Variants in JAM2 observed in about 807,000 individuals in gnomAD.
JAM2 encodes the protein junctional adhesion molecule B.
Under a neutral mutation model 42.0 loss-of-function variants are expected in JAM2, and 17 were observed. The observed-to-expected ratio is 0.40, with a 90% confidence interval of 0.28 to 0.61. The LOEUF is 0.61. Ranked by LOEUF, JAM2 falls within the 20% of genes least tolerant of loss-of-function variation. The pLI, the probability that JAM2 is intolerant of heterozygous loss-of-function variation, is 0.37. For missense variants in JAM2, 319 were observed against 358.3 expected (o/e 0.89, Z 0.89); for synonymous variants, 118 against 128.6 (o/e 0.92, Z 0.56).
At chr21:25,705,555 C>T (rs1480873632) in intron 6 of JAM2, among the ~76,000 whole-genome samples, 3 of 152,014 alleles carry the variant, frequency 2.0e-5, no homozygotes, top group African/African-American at 4.8e-5. Flanking sequence ...TTTTCTTTGA[C>T]GTTGAGTTTT....
At chr21:25,669,409 A>C (rs967868169) in intron 1 of JAM2, among the ~76,000 whole-genome samples, 1 of 151,882 alleles carries the variant, frequency 6.6e-6, no homozygotes, top group Admixed American at 6.6e-5. Flanking sequence ...AAAAAAAAGA[A>C]GATGGGGGAA....
chr21:25,708,125 G>A (rs1601066240), intron 7 of JAM2, among the ~76,000 whole-genome samples: 1 of 152,196 alleles, frequency 6.6e-6, no homozygotes, highest in East Asian at 1.9e-4. Context: ...TAGGATTACA[G>A]GTGTGAGCCA....
At chr21:25,683,302 T>C (rs188626934) in intron 1 of JAM2, among the ~76,000 whole-genome samples, 18 of 152,308 alleles carry the variant, frequency 1.2e-4, no homozygotes, top group Non-Finnish European at 2.6e-4. Context: ...CTTCAGTCTA[T>C]AGACCGGCTC....
intron 2 of JAM2, among the ~76,000 whole-genome samples, chr21:25,687,025 A>G (rs2033766153): frequency 6.6e-6 from 1 of 152,236 alleles, no homozygotes; most frequent in South Asian, 2.1e-4. Flanking sequence ...CCTTAGGTTG[A>G]GAAAATATAA....
intron 1 of JAM2, 104 bp downstream of exon 1, chr21:25,639,992 C>G: frequency 2.6e-6 from 2 of 775,452 alleles, no homozygotes; most frequent in Non-Finnish European, 1.9e-6. Flanking sequence ...GGCTCTGGGC[C>G]GAGGTCGCCG....
At chr21:25,669,060 A>G (rs1446052447) in intron 1 of JAM2, among the ~76,000 whole-genome samples, 1 of 152,158 alleles carries the variant, frequency 6.6e-6, no homozygotes, top group East Asian at 1.9e-4. Flanking sequence ...CACTGTAATG[A>G]AATAGTCATT....
rs753403395 is a variant in JAM2 at position 25,712,333 on chromosome 21, C to T, written c.822-7C>T. ...AGTAAATATTGTCTTTTATATTCCA[C>T]AAACAGGAAGAGTAATTCTTCATCT... is the stretch of plus-strand genomic sequence containing the variant. On this transcript the variant is annotated splice_region_variant and splice_polypyrimidine_tract_variant and intron_variant, in intron 8 of 9. Coordinates refer to ENST00000480456, the MANE Select transcript of JAM2 (RefSeq NM_021219.4). 1 of 1,578,418 alleles carries T rather than the reference C, an allele frequency of 6.3e-7. No homozygotes were observed. The highest frequency in any genetic ancestry group is 1.7e-5 in the Admixed American group (1 of 59,584).
At chr21:25,710,624 C>T (rs977360253) in intron 8 of JAM2, among the ~76,000 whole-genome samples, 4 of 152,114 alleles carry the variant, frequency 2.6e-5, no homozygotes, top group African/African-American at 4.8e-5. Flanking sequence ...TGAGGCCAGG[C>T]AAGCCTAGAA....
In JAM2 at chr21:25,683,874, A is replaced by C. The variant is rs761393083; in HGVS notation, c.68-9A>C. The C allele has an allele frequency of 4.4e-6, 7 of 1,584,378 alleles. No individual in the cohort carries two copies. The highest frequency in any genetic ancestry group is 6.1e-6 in the Non-Finnish European group (7 of 1,155,130). On this transcript the variant is annotated splice_polypyrimidine_tract_variant and intron_variant, in intron 1 of 9. Coordinates refer to ENST00000480456, the MANE Select transcript of JAM2 (RefSeq NM_021219.4). ...AATTTTAATTATCCTATCTGTTTTA[A>C]TCTTTCAGATCATAAGGCCTATGGG... is the stretch of plus-strand genomic sequence containing the variant.
intron 1 of JAM2, chr21:25,643,841 A>G (rs2032521029): frequency 6.6e-6 from 1 of 152,226 alleles, no homozygotes; most frequent in Admixed American, 6.5e-5. Context: ...AGGAGCCCAC[A>G]GGAGCTTACG....
chr21:25,688,890 A>G (rs2033814194), intron 2 of JAM2, among the ~76,000 whole-genome samples: 1 of 152,232 alleles, frequency 6.6e-6, no homozygotes, highest in Non-Finnish European at 1.5e-5. Context: ...TGTGGGGAAA[A>G]AAGTATTTCA....
intron 4 of JAM2, among the ~76,000 whole-genome samples, chr21:25,697,770 T>C (rs2034070443): frequency 1.3e-5 from 2 of 152,242 alleles, no homozygotes; most frequent in South Asian, 4.1e-4. Flanking sequence ...CTGGTCGTGG[T>C]GGCTCGAGCC....
intron 3 of JAM2, chr21:25,692,665 T>C (rs1022090319): frequency 6.6e-6 from 1 of 152,260 alleles, no homozygotes; most frequent in Non-Finnish European, 1.5e-5. Context: ...CCAACTTTAC[T>C]GTTTTAATTC....
chr21:25,645,856 A>C (rs2032594574), intron 1 of JAM2, among the ~76,000 whole-genome samples: 1 of 152,254 alleles, frequency 6.6e-6, no homozygotes, highest in Non-Finnish European at 1.5e-5. Flanking sequence ...AACAGTTGTA[A>C]GTATTTGTGT....
intron 1 of JAM2, among the ~76,000 whole-genome samples, chr21:25,660,782 A>ATATATATATATATAATTTTTT (rs1555861055): frequency 2.4e-5 from 1 of 41,328 alleles, no homozygotes; most frequent in African/African-American, 1.9e-4. Flanking sequence ...ATATATATAT[A>ATATATATATATATAATTTTTT]TTTTTTTTTT....
Position 25,648,973 on chromosome 21 carries a change from T to C in JAM2, c.67+9085T>C, listed in dbSNP as rs531065857. Among the ~76,000 whole-genome samples, 3 of 152,328 alleles carry C rather than the reference T, an allele frequency of 2.0e-5. No individual in the cohort carries two copies. The South Asian group carries it at 6.2e-4, about 32-fold the overall frequency. ...TTAATAGTCTCAAATGAATGCATAA[T>C]ATTACTGCTCCTAAAACTCCCTCCT... On this transcript the variant is annotated intron_variant, in intron 1 of 9. Coordinates refer to ENST00000480456, the MANE Select transcript of JAM2 (RefSeq NM_021219.4).
intron 7 of JAM2, among the ~76,000 whole-genome samples, chr21:25,706,990 G>A (rs1334962855): frequency 1.3e-5 from 2 of 151,970 alleles, no homozygotes; most frequent in African/African-American, 4.8e-5. Context: ...CACCCACCTT[G>A]GCCTCCCAAA....
chr21:25,667,258 C>A (rs1157521547), intron 1 of JAM2, among the ~76,000 whole-genome samples: 2 of 152,174 alleles, frequency 1.3e-5, no homozygotes, highest in African/African-American at 2.4e-5. Context: ...TCCTGTCATC[C>A]AATCAGTGAC....
chr21:25,695,686 G>A (rs2033999895), intron 4 of JAM2, among the ~76,000 whole-genome samples: 2 of 151,602 alleles, frequency 1.3e-5, no homozygotes, highest in Non-Finnish European at 2.9e-5. Context: ...CGGCTGCCGG[G>A]CGGAGGGGCT....
Sources: allele counts gnomAD v4.1 joint callset (sites outside exome capture counted in the v4.1 genomes callset), GRCh38; gene constraint gnomAD v4.1.1; transcripts MANE v1.5; gene names NCBI Gene and HGNC (gene_info 2026-07-23, HGNC 2026-07-21).